Variants in CFAP99 observed in about 807,000 individuals in gnomAD.
The protein encoded by CFAP99 is cilia and flagella associated protein 99.
In CFAP99, 84 loss-of-function variants were observed where a neutral mutation model predicts 82.7. The ratio of observed to expected loss-of-function variants is 1.02; its 90% CI spans 0.85 to 1.22. The LOEUF is 1.22. Among genes scored for constraint, CFAP99 ranks in the 50% most tolerant of loss-of-function variants. The pLI, the probability that CFAP99 is intolerant of heterozygous loss-of-function variation, is 0.00. For synonymous variants in CFAP99, 456 were observed against 429.5 expected (o/e 1.06, Z -0.76); for missense variants, 1,059 against 983.5 (o/e 1.08, Z -1.03).
chr4:2,426,588 T>A lies in CFAP99; in HGVS notation c.111+2T>A. Reference sequence around the variant, plus strand: ...GAGGCTGCGGCCACCTCCCTGCAGGTAGGATCTGCTGGGGGCTGCTGGGAG... The same window carrying A: ...GAGGCTGCGGCCACCTCCCTGCAGGAAGGATCTGCTGGGGGCTGCTGGGAG... On this transcript the variant is annotated splice_donor_variant, in intron 2 of 14. Coordinates refer to ENST00000635017, the Ensembl canonical transcript of CFAP99. LOFTEE classifies it high-confidence loss of function. 1 of 1,529,492 alleles carries A rather than the reference T, an allele frequency of 6.5e-7. No individual in the cohort carries two copies. The highest frequency in any genetic ancestry group is 8.8e-7 in the Non-Finnish European group (1 of 1,140,974). 94.7% of individuals were successfully genotyped at this position (1,529,492 alleles called of 1,614,324 possible).
rs1294613283 is a variant in CFAP99, at chr4:2,462,698, G to A, written c.1917G>A (p.Gly639=). Residue 639 remains glycine, a synonymous_variant, in exon 15 of 15, where the codon GGG becomes GGA. Transcript: ENST00000635017. This position sits in a 1 kb window ranked among gnomAD's most constrained non-coding sequence, Gnocchi z 4.1. ...GGCGCGCAGGGACCGGCGTCCCGGG[G>A]CGGGGATGGCGGGGAGATCGGGTCC... 10 of 1,251,416 alleles carry A rather than the reference G, an allele frequency of 8.0e-6. No individual in the cohort carries two copies. Among genetic ancestry groups the A allele is most frequent in the Admixed American group, 8.7e-5 (2 of 23,094 alleles). 77.5% of individuals were successfully genotyped at this position (1,251,416 alleles called of 1,614,324 possible).
At chr4:2,447,560 G>GA (rs1352232570) in intron 6 of CFAP99, among the ~76,000 whole-genome samples, 1 of 151,408 alleles carries the variant, frequency 6.6e-6, no homozygotes, top group African/African-American at 2.4e-5. Flanking sequence ...TGGGTGGATG[G>GA]ATGATGAGAT....
At chr4:2,420,045 C>T (rs780420145) in intron 1 of CFAP99, among the ~76,000 whole-genome samples, 1 of 151,928 alleles carries the variant, frequency 6.6e-6, no homozygotes, top group Non-Finnish European at 1.5e-5. Flanking sequence ...CGTGACCCAG[C>T]CGACTGTGCC....
At chr4:2,441,181 A>C (rs1734029406) in intron 4 of CFAP99, among the ~76,000 whole-genome samples, 1 of 151,682 alleles carries the variant, frequency 6.6e-6, no homozygotes, top group African/African-American at 2.4e-5. Context: ...GACCAGCCTG[A>C]CCAACACGGT....
rs74336534 is a variant in CFAP99 at position 2,430,787 on chromosome 4, A to T, written c.111+4201A>T. 3.8e-3 allele frequency among the ~76,000 whole-genome samples: 585 copies of T among 152,260 alleles called. 2 individuals are homozygous for T. Among genetic ancestry groups the T allele is most frequent in the African/African-American group, 0.013 (559 of 41,542 alleles). Reference sequence around the variant, plus strand: ...TCCCATTTCTCTCTAAAAGAAAAAAAATGAGCCAGGCATGGTGGCTCATGC... The same window carrying T: ...TCCCATTTCTCTCTAAAAGAAAAAATATGAGCCAGGCATGGTGGCTCATGC... On this transcript the variant is annotated intron_variant, in intron 2 of 14. Transcript: ENST00000635017.
intron 2 of CFAP99, among the ~76,000 whole-genome samples, chr4:2,434,934 C>A (rs1733877793): frequency 6.6e-6 from 1 of 152,190 alleles, no homozygotes; most frequent in Non-Finnish European, 1.5e-5. Context: ...GAAACTGAGG[C>A]CCCACAAGGT....
chr4:2,451,405 G>A, intron 10 of CFAP99, 53 bp downstream of exon 10: 1 of 1,512,632 alleles, frequency 6.6e-7, no homozygotes, highest in Non-Finnish European at 8.9e-7. Context: ...CCCTTGAGAG[G>A]AAAGGCTCAG....
chr4:2,455,561 C>A (rs1578481892), intron 11 of CFAP99, among the ~76,000 whole-genome samples: 1 of 152,182 alleles, frequency 6.6e-6, no homozygotes, highest in Non-Finnish European at 1.5e-5. Flanking sequence ...TGGTGGCACA[C>A]CCACGTAATC....
intron 9 of CFAP99, 95 bp downstream of exon 9, chr4:2,451,113 G>A: frequency 1.4e-6 from 2 of 1,460,246 alleles, no homozygotes; most frequent in Non-Finnish European, 9.3e-7. Context: ...CCTGAGCTGG[G>A]GGACCTAGAG....
intron 6 of CFAP99, among the ~76,000 whole-genome samples, chr4:2,447,403 T>C (rs113785350): frequency 2.0e-5 from 3 of 149,794 alleles, no homozygotes; most frequent in African/African-American, 7.4e-5. Context: ...AATGGTAGGA[T>C]GGTGGGTGGG....
chr4:2,425,530 C>G (rs1733665030), intron 1 of CFAP99, among the ~76,000 whole-genome samples: 1 of 152,164 alleles, frequency 6.6e-6, no homozygotes, highest in Non-Finnish European at 1.5e-5. Flanking sequence ...GGTGCTCCCA[C>G]TGTCCCCAAC....
At chr4:2,434,540 G>C (rs1733871176) in intron 2 of CFAP99, among the ~76,000 whole-genome samples, 5 of 152,224 alleles carry the variant, frequency 3.3e-5, no homozygotes, top group Non-Finnish European at 5.9e-5. Flanking sequence ...GGGGAACCTT[G>C]TGCTTAAAGC....
At chr4:2,442,345 G>C (rs1734062366) in intron 4 of CFAP99, among the ~76,000 whole-genome samples, 1 of 152,172 alleles carries the variant, frequency 6.6e-6, no homozygotes, top group Non-Finnish European at 1.5e-5. Flanking sequence ...GAAATGGGAA[G>C]GGGTGGGAAA....
At chr4:2,435,638 A>G (rs909426837) in intron 2 of CFAP99, among the ~76,000 whole-genome samples, 8 of 152,176 alleles carry the variant, frequency 5.3e-5, no homozygotes, top group African/African-American at 1.9e-4. Context: ...CAGAAAACAT[A>G]TGAGGCTGGA....
chr4:2,428,631 C>A (rs1452603678), intron 2 of CFAP99: 1 of 152,404 alleles, frequency 6.6e-6, no homozygotes. Flanking sequence ...ACCCCGCCCC[C>A]AGCTCCGGGG....
chr4:2,425,673 C>T (rs769983205), intron 1 of CFAP99, among the ~76,000 whole-genome samples: 8 of 152,196 alleles, frequency 5.3e-5, no homozygotes, highest in Non-Finnish European at 1.0e-4. Flanking sequence ...CCCAGGCCTG[C>T]ACCACACCCA....
chr4:2,426,396 T>C, intron 1 of CFAP99, 63 bp from the exon 2 acceptor site: 1 of 1,029,332 alleles, frequency 9.7e-7, no homozygotes, highest in Non-Finnish European at 1.5e-6. Context: ...CTGTCGCTGC[T>C]GGGGAGGGTC....
At chr4:2,462,950 G>T (rs558026253), downstream of CFAP99, 23 of 1,227,374 alleles carry the variant, frequency 1.9e-5, no homozygotes, top group South Asian at 5.8e-4. The surrounding 1 kb of genome is among the most constrained non-coding windows in gnomAD (Gnocchi z 4.1). Flanking sequence ...CGCCCCACCC[G>T]CTTGCGGGCC....
intron 2 of CFAP99, among the ~76,000 whole-genome samples, chr4:2,433,159 G>A (rs1397374885): frequency 1.3e-5 from 2 of 152,236 alleles, no homozygotes; most frequent in Non-Finnish European, 2.9e-5. Context: ...CCGGCCCAGA[G>A]TGGCCCTGCC....
Sources: allele counts gnomAD v4.1 joint callset (sites outside exome capture counted in the v4.1 genomes callset), GRCh38; gene constraint gnomAD v4.1.1; non-coding constraint Gnocchi (gnomAD v3.1); transcripts MANE v1.5; gene names NCBI Gene and HGNC (gene_info 2026-07-23, HGNC 2026-07-21).